ZAN: variants seen among roughly 807,000 people sequenced by gnomAD.
ZAN encodes the protein zonadhesin, also known as zonadhesin (gene/pseudogene).
A neutral mutation model predicts 286.2 loss-of-function variants in ZAN; 260 were observed. That is an observed-to-expected ratio of 0.91 (90% CI 0.82 to 1.01). The LOEUF is 1.01. ZAN is among the 50% of genes least tolerant of loss of function. The probability of loss-of-function intolerance (pLI) is 0.00; values close to 1 mark genes in which losing one functional copy is unlikely to be tolerated. For synonymous variants in ZAN, 1,368 were observed against 1,417.5 expected (o/e 0.97, Z 0.79); for missense variants, 3,410 against 3,639.2 (o/e 0.94, Z 1.62).
Position 100,738,487 on chromosome 7 carries a change from G to C in ZAN, c.640G>C (p.Asp214His), listed in dbSNP as rs927130320. The change falls in exon 7 of 48, where the codon GAC (aspartate) becomes CAC (histidine). Residue 214 changes from aspartate to histidine, a missense_variant. Transcript: ENST00000613979. ...RVCMMQTCSF[D>H]IPNDLCDWTW... ...CTGTATGATGCAAACATGCAGCTTT[G>C]ACATTCCAAATGACCTCTGTGACTG... The C allele has an allele frequency of 4.1e-6, 6 of 1,478,988 alleles. 1 individual carries two copies. The highest frequency in any genetic ancestry group is 4.0e-5 in the Admixed American group (2 of 50,322). The allele number at this position is 1,478,988 out of a possible 1,614,324, so 91.6% of individuals were successfully genotyped here.
rs373296213 is a variant in ZAN at position 100,760,457 on chromosome 7, C to T, written c.3763C>T (p.Arg1255Trp). The T allele has an allele frequency of 8.1e-6, 13 of 1,613,784 alleles. No individual in the cohort carries two copies. Among genetic ancestry groups the T allele is most frequent in the South Asian group, 5.5e-5 (5 of 91,068 alleles). ...SKGVFLGASG[R>W]FVELQTEFGL... ...AGGCGTCTTCCTGGGTGCAAGCGGG[C>T]GGTTTGTGGAGCTGCAGACGGAGTT... The change falls in exon 19 of 48, where the codon CGG becomes TGG. Residue 1255 changes from arginine to tryptophan, a missense_variant. Arg to Trp is a moderately radical substitution (Grantham distance 101). This residue lies in a region of ZAN where 1,042 missense variants were observed against 1,058.0 expected (regional missense o/e 0.98). Transcript: ENST00000613979.
Position 100,759,772 on chromosome 7 carries a change from T to C in ZAN, c.3623T>C (p.Val1208Ala), listed in dbSNP as rs373940483. 6.9e-6 allele frequency: 11 copies of C among 1,602,484 alleles called. No homozygotes were observed. The highest frequency in any genetic ancestry group is 8.5e-6 in the Non-Finnish European group (10 of 1,174,864). The change falls in exon 18 of 48, where the codon GTG (valine) becomes GCG (alanine). Residue 1208 changes from valine to alanine, a missense_variant. Around this residue, in one of 7 missense-constraint regions of ZAN, gnomAD observed 1,042 missense variants for 1,058.0 expected, o/e 0.98. Coordinates refer to ENST00000613979, the MANE Select transcript of ZAN (RefSeq NM_003386.3). Reference sequence around the variant, plus strand: ...AATGAGGAGCAGGGACAGGAAGGCGTGTCCTGCCTGAGCAAAGTCTACGTG... The same window carrying C: ...AATGAGGAGCAGGGACAGGAAGGCGCGTCCTGCCTGAGCAAAGTCTACGTG... ...AKNEEQGQEG[V>A]SCLSKVYVTL...
intron 45 of ZAN, 142 bp downstream of exon 45, chr7:100,795,478 A>G: frequency 1.2e-6 from 1 of 829,790 alleles, no homozygotes. Flanking sequence ...TTATAAACAT[A>G]ACAATTTGTA....
rs1208275633 is a variant in ZAN at position 100,738,453 on chromosome 7, C to A, written c.614-8C>A. ...ACATTATATCTTCCCTTCTTTCTTT[C>A]CTCTCAGTCTGTATGATGCAAACAT... On this transcript the variant is annotated splice_polypyrimidine_tract_variant and splice_region_variant and intron_variant, in intron 6 of 47. Transcript: ENST00000613979. 1.4e-6 allele frequency: 2 copies of A among 1,460,762 alleles called. No individual in the cohort carries two copies. Among genetic ancestry groups the A allele is most frequent in the African/African-American group, 2.9e-5 (2 of 69,298 alleles). 90.5% of individuals were successfully genotyped at this position (1,460,762 alleles called of 1,614,324 possible). A position where few individuals can be genotyped will look rare whatever the true frequency, so the allele number is the denominator to read the frequency against.
Position 100,792,893 on chromosome 7 carries a change from C to T in ZAN, c.7787+414C>T, listed in dbSNP as rs117575441. On this transcript the variant is annotated intron_variant, in intron 42 of 47. Transcript: ENST00000613979. ...TTGGGAGGTTGAGGCTGGAGGATGGCTTGAGCCCAGGAGTTCCAGCCAGGC... is the reference window on the plus strand; with the variant it reads ...TTGGGAGGTTGAGGCTGGAGGATGGTTTGAGCCCAGGAGTTCCAGCCAGGC... 8.7e-4 allele frequency among the ~76,000 whole-genome samples: 130 copies of T among 150,196 alleles called. 3 individuals are homozygous for T. In the East Asian group the frequency reaches 0.024, roughly 28 times the overall value.
At chr7:100,768,873 T>G (rs545325803) in intron 27 of ZAN, among the ~76,000 whole-genome samples, 152 bp downstream of exon 27, 1 of 152,256 alleles carries the variant, frequency 6.6e-6, no homozygotes, top group South Asian at 2.1e-4. Flanking sequence ...GTTTAGACTC[T>G]CCAAGATTGG....
chr7:100,794,375 C>T, intron 44 of ZAN, 117 bp downstream of exon 44: 2 of 1,472,874 alleles, frequency 1.4e-6, no homozygotes, highest in Non-Finnish European at 1.8e-6. Context: ...GGATGTCTGT[C>T]CCTGCCTTTG....
chr7:100,770,008 C>G, intron 28 of ZAN, 34 bp downstream of exon 28: 1 of 1,539,988 alleles, frequency 6.5e-7, no homozygotes, highest in Non-Finnish European at 8.8e-7. Context: ...TTTTTCCTCC[C>G]TGAAGGACAG....
At chr7:100,774,894 C>T (rs1007277938) in intron 31 of ZAN, among the ~76,000 whole-genome samples, 3 of 149,422 alleles carry the variant, frequency 2.0e-5, no homozygotes, top group African/African-American at 4.9e-5. Flanking sequence ...AACCTCACCA[C>T]GCCTCCTAGC....
At position 100,753,022 on chromosome 7, in the gene ZAN, A is replaced by T; in HGVS notation, c.2917A>T (p.Thr973Ser). The T allele has an allele frequency of 6.2e-7, 1 of 1,608,198 alleles. No homozygotes were observed. The highest frequency in any genetic ancestry group is 8.5e-7 in the Non-Finnish European group (1 of 1,177,086). ...CTCCACGGAAAAACCCACCATCCCC[A>T]CGGAAAAACTTACCATCCCCACGGA... ...TISTEKPTIP[T>S]EKLTIPTEKP... Residue 973 changes from threonine to serine, a missense_variant, in exon 14 of 48, where the codon ACG becomes TCG. Thr to Ser is a moderately conservative substitution (Grantham distance 58). This residue lies in a region of ZAN where 1,042 missense variants were observed against 1,058.0 expected (regional missense o/e 0.98). Transcript: ENST00000613979.
chr7:100,784,506 C>CA, intron 35 of ZAN, 117 bp from the exon 36 acceptor site: 7 of 980,188 alleles, frequency 7.1e-6, no homozygotes, highest in Non-Finnish European at 1.0e-5. Flanking sequence ...AACAAAAGAA[C>CA]AAAAAAAGCT....
Position 100,736,638 on chromosome 7 carries a change from C to T in ZAN, c.253+9C>T. The T allele has an allele frequency of 4.6e-6, 7 of 1,521,162 alleles. 1 individual carries two copies. The highest frequency in any genetic ancestry group is 6.3e-6 in the Non-Finnish European group (7 of 1,107,226). The allele number at this position is 1,521,162 out of a possible 1,614,324, so 94.2% of individuals were successfully genotyped here. A position where few individuals can be genotyped will look rare whatever the true frequency, so the allele number is the denominator to read the frequency against. On this transcript the variant is annotated intron_variant, in intron 4 of 47. Coordinates refer to ENST00000613979, the MANE Select transcript of ZAN (RefSeq NM_003386.3). ...GGGGTACCCTAACGGAGGTGAGGGG[C>T]TATGGTTTCCAGGGGACCATGAGCA... is the stretch of plus-strand genomic sequence containing the variant.
intron 15 of ZAN, 71 bp from the exon 16 acceptor site, chr7:100,758,130 GA>G: frequency 8.8e-7 from 1 of 1,134,018 alleles, no homozygotes; most frequent in Non-Finnish European, 1.1e-6. Context: ...ATAAATAAAT[GA>G]AAAAGAAAGG....
Position 100,762,200 on chromosome 7 carries a change from C to G in ZAN, c.3843-15C>G, listed in dbSNP as rs1809632673. 3.7e-6 allele frequency: 6 copies of G among 1,612,306 alleles called. No homozygotes were observed. The highest frequency in any genetic ancestry group is 5.1e-6 in the Non-Finnish European group (6 of 1,178,960). On this transcript the variant is annotated splice_polypyrimidine_tract_variant and intron_variant, in intron 19 of 47. Coordinates refer to ENST00000613979, the MANE Select transcript of ZAN (RefSeq NM_003386.3). ...CTTCTCTCCATTAACGCCAGCTCCT[C>G]TCCTGTTCCCCTAGCACATACTCTG...
chr7:100,775,194 T>G, intron 31 of ZAN, 134 bp from the exon 32 acceptor site: 11 of 1,341,200 alleles, frequency 8.2e-6, no homozygotes, highest in Non-Finnish European at 9.0e-6. Context: ...ATTACAGGCA[T>G]GAGCCACTGC....
chr7:100,761,886 C>CCCT (rs1267557653), intron 19 of ZAN, among the ~76,000 whole-genome samples: 9 of 151,704 alleles, frequency 5.9e-5, no homozygotes, highest in Non-Finnish European at 1.2e-4. Context: ...TTGCAGTGAG[C>CCCT]CGAGGTTGCA....
chr7:100,786,862 GC>G (rs1302353930), intron 37 of ZAN, among the ~76,000 whole-genome samples: 1 of 152,046 alleles, frequency 6.6e-6, no homozygotes, highest in Non-Finnish European at 1.5e-5. Flanking sequence ...CACCAACCTG[GC>G]CAACATAGGA....
chr7:100,747,640 A>G lies in ZAN; in HGVS notation c.1022A>G (p.Gln341Arg). 1 of 1,613,646 alleles carries G rather than the reference A, an allele frequency of 6.2e-7. No individual in the cohort carries two copies. Among genetic ancestry groups the G allele is most frequent in the Non-Finnish European group, 8.5e-7 (1 of 1,179,698 alleles). ...SVNYTAVGRIQFAVVGVFGKT... is the reference protein window; with the variant it reads ...SVNYTAVGRIRFAVVGVFGKT... ...AATTACACAGCCGTGGGACGGATAC[A>G]GGTACAGAGAAGCAAGGGGTCAGGT... Residue 341 changes from glutamine to arginine, a missense_variant and splice_region_variant, in exon 9 of 48, where the codon CAG becomes CGG. Around this residue, in one of 7 missense-constraint regions of ZAN, gnomAD observed 872 missense variants for 938.9 expected, o/e 0.93. Transcript: ENST00000613979.
chr7:100,785,843 G>C (rs1811526809), intron 36 of ZAN, among the ~76,000 whole-genome samples, 154 bp from the exon 37 acceptor site: 1 of 152,056 alleles, frequency 6.6e-6, no homozygotes, highest in South Asian at 2.1e-4. Flanking sequence ...ATTTTTAGTA[G>C]AGACAGGGTT....
Sources: allele counts gnomAD v4.1 joint callset (sites outside exome capture counted in the v4.1 genomes callset), GRCh38; gene constraint gnomAD v4.1.1; regional missense constraint gnomAD v4.1.1; transcripts MANE v1.5; gene names NCBI Gene and HGNC (gene_info 2026-07-23, HGNC 2026-07-21).